ELAPOR2: variants seen among roughly 807,000 people sequenced by gnomAD.
ELAPOR2 encodes endosome-lysosome associated apoptosis and autophagy regulator family member 2.
In ELAPOR2, 89 loss-of-function variants were observed where a neutral mutation model predicts 120.7. That is an observed-to-expected ratio of 0.74 (90% CI 0.62 to 0.88). The LOEUF (loss-of-function observed/expected upper bound fraction) is 0.88. ELAPOR2 is among the 40% of genes least tolerant of loss of function. The pLI, the probability that ELAPOR2 is intolerant of heterozygous loss-of-function variation, is 0.00. For missense variants in ELAPOR2, 1,134 were observed against 1,251.6 expected, an observed-to-expected ratio of 0.91 and a Z score of 1.42; for synonymous variants, 444 against 444.9, an observed-to-expected ratio of 1.00 and a Z score of 0.03.
At chr7:86,983,047 C>A (rs973393257) in intron 1 of ELAPOR2, among the ~76,000 whole-genome samples, 1 of 152,156 alleles carries the variant, frequency 6.6e-6, no homozygotes, top group Non-Finnish European at 1.5e-5. Context: ...CATGCACAAG[C>A]TTCATTAGCC....
chr7:87,039,829 G>A (rs374129995), intron 1 of ELAPOR2, among the ~76,000 whole-genome samples: 3 of 152,190 alleles, frequency 2.0e-5, no homozygotes, highest in South Asian at 4.1e-4. Context: ...CGCAGAAGAC[G>A]GGTGATTTCT....
intron 2 of ELAPOR2, among the ~76,000 whole-genome samples, chr7:86,950,208 T>C (rs1037965182): frequency 6.6e-6 from 1 of 152,242 alleles, no homozygotes; most frequent in Non-Finnish European, 1.5e-5. Flanking sequence ...AGCTATTCTG[T>C]AGCTCAATAA....
chr7:87,008,267 A>C (rs1793548029), intron 1 of ELAPOR2, among the ~76,000 whole-genome samples: 1 of 152,212 alleles, frequency 6.6e-6, no homozygotes, highest in South Asian at 2.1e-4. Context: ...GACATTCTAC[A>C]AAATAACAGA....
At chr7:86,905,804 T>C (rs1055289521) in intron 18 of ELAPOR2, among the ~76,000 whole-genome samples, 10 of 152,162 alleles carry the variant, frequency 6.6e-5, no homozygotes, top group African/African-American at 2.2e-4. Flanking sequence ...TACCCCAAGG[T>C]ATTCTGCTGC....
intron 1 of ELAPOR2, among the ~76,000 whole-genome samples, chr7:87,018,383 T>C (rs765173368): frequency 3.3e-5 from 5 of 152,164 alleles, no homozygotes; most frequent in African/African-American, 9.7e-5. Flanking sequence ...GAAAAAATGC[T>C]AGATACTCAC....
chr7:86,895,288 C>T (rs1408968713), intron 19 of ELAPOR2, among the ~76,000 whole-genome samples: 3 of 151,968 alleles, frequency 2.0e-5, no homozygotes, highest in African/African-American at 7.2e-5. Flanking sequence ...ATATTTTATT[C>T]AGTGATCGAG....
chr7:86,927,023 G>A, intron 8 of ELAPOR2, 107 bp from the exon 9 acceptor site: 2 of 1,007,398 alleles, frequency 2.0e-6, no homozygotes, highest in Non-Finnish European at 2.7e-6. Context: ...CAGAATAGAA[G>A]GGCCAGCTGA....
intron 1 of ELAPOR2, among the ~76,000 whole-genome samples, chr7:86,980,020 T>G (rs1406266895): frequency 6.6e-6 from 1 of 152,208 alleles, no homozygotes; most frequent in Non-Finnish European, 1.5e-5. Flanking sequence ...TGGACAAGCT[T>G]GCTAGATATT....
At chr7:87,029,321 A>G (rs1311954774) in intron 1 of ELAPOR2, among the ~76,000 whole-genome samples, 3 of 152,214 alleles carry the variant, frequency 2.0e-5, no homozygotes. Context: ...GCACTTTGAA[A>G]TATAGCCATT....
intron 8 of ELAPOR2, among the ~76,000 whole-genome samples, chr7:86,927,492 G>C (rs762096617): frequency 2.0e-5 from 3 of 151,828 alleles, no homozygotes; most frequent in South Asian, 2.1e-4. Flanking sequence ...TACCCCAGAG[G>C]CTTCTAGGTC....
At chr7:87,028,852 C>G (rs1016286194) in intron 1 of ELAPOR2, among the ~76,000 whole-genome samples, 1 of 152,182 alleles carries the variant, frequency 6.6e-6, no homozygotes, top group African/African-American at 2.4e-5. Context: ...CCTGTGGTCT[C>G]AATTCCTGCC....
chr7:86,932,348 C>T (rs1790364437), intron 8 of ELAPOR2, among the ~76,000 whole-genome samples: 1 of 151,886 alleles, frequency 6.6e-6, no homozygotes, highest in Non-Finnish European at 1.5e-5. Context: ...CCTCTCCATT[C>T]CTCAGTTTTA....
At chr7:87,047,835 G>T (rs988185648) in intron 1 of ELAPOR2, among the ~76,000 whole-genome samples, 15 of 152,200 alleles carry the variant, frequency 9.9e-5, no homozygotes, top group African/African-American at 3.6e-4. Context: ...GGACTCAAAA[G>T]AAAGGAAATC....
chr7:87,035,955 C>T (rs1241255881), intron 1 of ELAPOR2, among the ~76,000 whole-genome samples: 2 of 152,090 alleles, frequency 1.3e-5, no homozygotes, highest in South Asian at 2.1e-4. Flanking sequence ...TTGGTTATGC[C>T]GTCTCAAAAC....
rs546682530 is a variant in ELAPOR2 at position 86,909,859 on chromosome 7, C to T, written c.2312G>A (p.Arg771Gln). Residue 771 changes from arginine (R) to glutamine (Q), a missense_variant, in exon 16 of 22, where the codon CGA becomes CAA. Physicochemically the swap from Arg to Gln is conservative, Grantham distance 43. Transcript: ENST00000450689. ...TIIPSESKGF[R>Q]AALSSQSIIL... ...GATGGATTGTGATGATAAGGCTGCTCGGAAACCCTTACTTTCAGAAGGAAT... is the reference window on the plus strand; with the variant it reads ...GATGGATTGTGATGATAAGGCTGCTTGGAAACCCTTACTTTCAGAAGGAAT... The T allele has an allele frequency of 2.3e-5, 37 of 1,613,142 alleles. No individual in the cohort carries two copies. The highest frequency in any genetic ancestry group is 1.7e-4 in the Middle Eastern group (1 of 6,054).
intron 1 of ELAPOR2, among the ~76,000 whole-genome samples, chr7:87,019,308 C>T (rs531192809): frequency 1.3e-5 from 2 of 152,218 alleles, no homozygotes; most frequent in Non-Finnish European, 2.9e-5. Flanking sequence ...GGACCACAGG[C>T]ATATGCTACT....
chr7:86,973,338 C>T (rs966809355), intron 1 of ELAPOR2, among the ~76,000 whole-genome samples: 3 of 152,144 alleles, frequency 2.0e-5, no homozygotes, highest in Admixed American at 2.0e-4. Flanking sequence ...ATCAAACATG[C>T]TATACAATTC....
chr7:86,979,275 G>C (rs1314753837), intron 1 of ELAPOR2, among the ~76,000 whole-genome samples: 1 of 152,120 alleles, frequency 6.6e-6, no homozygotes, highest in Non-Finnish European at 1.5e-5. Context: ...TTAAAAGCTA[G>C]AACACAACCA....
rs1789707430 is a variant in ELAPOR2, at chr7:86,919,234, A to G, written c.1476T>C (p.His492=). The change falls in exon 11 of 22, where the codon CAT becomes CAC. Residue 492 remains histidine, a synonymous_variant. Coordinates refer to ENST00000450689, the MANE Select transcript of ELAPOR2 (RefSeq NM_001142749.3). ...GTTTTCCTTACTTAAATCCTGGGAT[A>G]TGCAAGTTTAAGATCAGGTAATCAT... ...SDNDYLILNL[H]IPGFKPPTSM... is the part of the protein sequence containing the mutation. 1 of 1,610,558 alleles carries G rather than the reference A, an allele frequency of 6.2e-7. No homozygotes were observed. The highest frequency in any genetic ancestry group is 8.5e-7 in the Non-Finnish European group (1 of 1,177,450).
Sources: allele counts gnomAD v4.1 joint callset (sites outside exome capture counted in the v4.1 genomes callset), GRCh38; gene constraint gnomAD v4.1.1; transcripts MANE v1.5; gene names NCBI Gene and HGNC (gene_info 2026-07-23, HGNC 2026-07-21).